AFF2: variants seen among roughly 807,000 people sequenced by gnomAD.
The protein encoded by AFF2 is AF4/FMR2 family member 2.
In AFF2, 14 loss-of-function variants were observed where a neutral mutation model predicts 76.9. That is an observed-to-expected ratio of 0.18 (90% CI 0.12 to 0.28). AFF2 has a LOEUF of 0.28. AFF2 is among the 10% of genes least tolerant of loss of function. The pLI, the probability that AFF2 is intolerant of heterozygous loss-of-function variation, is 1.00. For missense variants in AFF2, 868 were observed against 1,001.1 expected, an observed-to-expected ratio of 0.87 and a Z score of 1.79; for synonymous variants, 398 against 366.7, an observed-to-expected ratio of 1.09 and a Z score of -0.98.
intron 4 of AFF2, among the ~76,000 whole-genome samples, chrX:148,814,174 G>A (rs935021796): frequency 7.2e-5 from 8 of 111,590 alleles, no homozygotes; most frequent in African/African-American, 2.3e-4. Flanking sequence ...GGGATTCCTA[G>A]GCAGCTCATC....
At chrX:148,582,777 CA>C (rs1376986882) in intron 1 of AFF2, among the ~76,000 whole-genome samples, 1 of 111,929 alleles carries the variant, frequency 8.9e-6, no homozygotes, top group Non-Finnish European at 1.9e-5. Flanking sequence ...TTGCTCACAC[CA>C]GAACTTGTAC....
intron 1 of AFF2, among the ~76,000 whole-genome samples, chrX:148,598,613 C>T (rs1487498100): frequency 9.0e-6 from 1 of 111,481 alleles, no homozygotes; most frequent in Non-Finnish European, 1.9e-5. Context: ...GGAACAATAA[C>T]GGTGTTAGAG....
chrX:148,968,849 G>A (rs782009415), intron 15 of AFF2, among the ~76,000 whole-genome samples: 1 of 112,227 alleles, frequency 8.9e-6, no homozygotes, highest in East Asian at 2.8e-4. Flanking sequence ...GGACAACAGT[G>A]CCTGTGACCA....
chrX:148,964,517 G>A (rs182807287), intron 13 of AFF2, among the ~76,000 whole-genome samples: 1 of 111,957 alleles, frequency 8.9e-6, no homozygotes, highest in African/African-American at 3.3e-5. Flanking sequence ...AAGACATTAT[G>A]CTAAGTGAAA....
At chrX:148,519,445 G>A (rs2052572136) in intron 1 of AFF2, among the ~76,000 whole-genome samples, 4 of 112,270 alleles carry the variant, frequency 3.6e-5, no homozygotes, top group Admixed American at 9.4e-5. Flanking sequence ...TGTTTGGTTT[G>A]TACTAGACAT....
At chrX:148,700,985 G>GGAGAGAGGGAGAGA in intron 3 of AFF2, among the ~76,000 whole-genome samples, 1 of 81,903 alleles carries the variant, frequency 1.2e-5, no homozygotes, top group African/African-American at 5.1e-5. Flanking sequence ...AGGTATGATG[G>GGAGAGAGGGAGAGA]GAGAGAGAGA....
At chrX:148,876,150 A>C (rs782754603) in intron 7 of AFF2, among the ~76,000 whole-genome samples, 1 of 112,229 alleles carries the variant, frequency 8.9e-6, no homozygotes, top group Admixed American at 9.5e-5. Flanking sequence ...AAGCTCAACT[A>C]TCTTGAGCCA....
chrX:148,972,878 G>T (rs1401314976), intron 15 of AFF2, among the ~76,000 whole-genome samples: 1 of 29,026 alleles, frequency 3.4e-5, no homozygotes, highest in African/African-American at 1.3e-4. Context: ...GTAATGCCTA[G>T]GTTTTCTTCT....
intron 1 of AFF2, among the ~76,000 whole-genome samples, chrX:148,515,303 A>G (rs2052523227): frequency 8.9e-6 from 1 of 112,226 alleles, no homozygotes; most frequent in African/African-American, 3.2e-5. Context: ...AAAAAAATCC[A>G]AGGAGGCATC....
At chrX:148,631,785 C>T (rs1470773955) in intron 1 of AFF2, among the ~76,000 whole-genome samples, 2 of 112,103 alleles carry the variant, frequency 1.8e-5, no homozygotes, top group African/African-American at 6.5e-5. Context: ...GAGATAGCCT[C>T]AGAACAGCTC....
chrX:148,662,386 G>C lies in AFF2; in HGVS notation c.659G>C (p.Ser220Thr). 8.3e-7 allele frequency: 1 copy of C among 1,212,036 alleles called. No homozygotes were observed. Among genetic ancestry groups the C allele is most frequent in the Non-Finnish European group, 1.1e-6 (1 of 895,553 alleles). Residue 220 changes from serine (S) to threonine (T), a missense_variant, in exon 3 of 21, where the codon AGT becomes ACT. Ser to Thr is a moderately conservative substitution (Grantham distance 58, BLOSUM62 1). Around this residue, in one of 6 missense-constraint regions of AFF2, gnomAD observed 196 missense variants for 194.8 expected, o/e 1.01. Transcript: ENST00000370460. ...TCAAACCCATCTGCAAAGGAAGACA[G>C]TAACCCTAATTCTAGTGGAGAAGAT... is the stretch of plus-strand genomic sequence containing the variant. ...EESNPSAKED[S>T]NPNSSGEDAF...
At chrX:148,805,922 C>T (rs781837139) in intron 3 of AFF2, among the ~76,000 whole-genome samples, 19 of 112,419 alleles carry the variant, frequency 1.7e-4, no homozygotes, top group Non-Finnish European at 3.0e-4. Flanking sequence ...CCCTGTGTGT[C>T]GTGCAGCTTG....
chrX:148,642,435 T>TA (rs1348247554), intron 1 of AFF2, among the ~76,000 whole-genome samples: 13 of 112,589 alleles, frequency 1.2e-4, no homozygotes, highest in Non-Finnish European at 2.1e-4. Context: ...TAAATGAAAA[T>TA]AAAACACCTT....
intron 1 of AFF2, among the ~76,000 whole-genome samples, chrX:148,540,942 A>C (rs955970476): frequency 1.8e-5 from 2 of 112,184 alleles, no homozygotes; most frequent in African/African-American, 6.5e-5. Context: ...TTCCTTCTTC[A>C]TAGCCAAGAC....
At chrX:148,661,433 T>A (rs1557257681) in intron 2 of AFF2, among the ~76,000 whole-genome samples, 1 of 111,954 alleles carries the variant, frequency 8.9e-6, no homozygotes, top group Non-Finnish European at 1.9e-5. Flanking sequence ...TTTAACTGAT[T>A]TTCTTATCCA....
chrX:148,935,650 C>T (rs971753940), intron 9 of AFF2, among the ~76,000 whole-genome samples: 3 of 111,575 alleles, frequency 2.7e-5, no homozygotes, highest in African/African-American at 6.5e-5. Flanking sequence ...AAAGGCCAGA[C>T]GGGAAATCAG....
chrX:148,561,514 G>A (rs1557240668), intron 1 of AFF2, among the ~76,000 whole-genome samples: 1 of 111,939 alleles, frequency 8.9e-6, no homozygotes, highest in Non-Finnish European at 1.9e-5. Context: ...GCTTTCAGTT[G>A]ATGCTTCATC....
At chrX:148,795,827 AAAAAAATATATATATATATATATATATAT>A (rs2069966667) in intron 3 of AFF2, among the ~76,000 whole-genome samples, 4 of 37,419 alleles carry the variant, frequency 1.1e-4, no homozygotes, top group African/African-American at 4.9e-4. Flanking sequence ...AAAAAAAAAA[AAAAAAATATATATATATATATATATATAT>A]ATATATATAT....
chrX:148,522,147 C>T (rs1216900004), intron 1 of AFF2, among the ~76,000 whole-genome samples: 2 of 112,462 alleles, frequency 1.8e-5, no homozygotes, highest in Admixed American at 9.4e-5. Context: ...AGTCAAATCA[C>T]GGCTGTTACT....
Sources: gnomAD v4.1 joint callset for allele counts (sites outside exome capture counted in the v4.1 genomes callset) on GRCh38, gnomAD v4.1.1 for gene constraint, gnomAD v4.1.1 regional missense constraint, MANE v1.5 for transcripts, NCBI Gene and HGNC (gene_info 2026-07-23, HGNC 2026-07-21) for gene names.